Variants in RAB12 observed in about 807,000 individuals in gnomAD.
The protein encoded by RAB12 is ras-related protein Rab-12.
Under a neutral mutation model 28.4 loss-of-function variants are expected in RAB12, and 11 were observed. The observed-to-expected ratio is 0.39, with a 90% CI of 0.24 to 0.64. The LOEUF (loss-of-function observed/expected upper bound fraction) is 0.64. Ranked by LOEUF, RAB12 falls within the 30% of genes least tolerant of loss-of-function variation. RAB12 has a pLI of 0.50. For synonymous variants in RAB12, 138 were observed against 145.3 expected (o/e 0.95, Z 0.36); for missense variants, 276 against 351.1 (o/e 0.79, Z 1.71).
Position 8,609,892 on chromosome 18 carries a change from G to C in RAB12, c.453G>C (p.Lys151Asn). 6.2e-7 allele frequency: 1 copy of C among 1,608,104 alleles called. No individual in the cohort carries two copies. Among genetic ancestry groups the C allele is most frequent in the Non-Finnish European group, 8.5e-7 (1 of 1,177,880 alleles). ...TTATCGGCTCCCGCGGCGTGGGCAA[G>C]ACCAGCCTGATGGAGCGCTTCACCG... ...VIIIGSRGVG[K>N]TSLMERFTDD... Residue 151 changes from lysine (K) to asparagine (N), a missense_variant, in exon 1 of 6, where the codon AAG (lysine) becomes AAC (asparagine). Physicochemically the swap from Lys to Asn is moderately conservative, Grantham distance 94 (BLOSUM62 0). This residue lies in a region of RAB12 where 76 missense variants were observed against 117.9 expected (regional missense o/e 0.64). Coordinates refer to ENST00000649141, the MANE Select transcript of RAB12 (RefSeq NM_001025300.3).
intron 1 of RAB12, among the ~76,000 whole-genome samples, chr18:8,610,909 A>G (rs1255756615): frequency 2.6e-5 from 4 of 152,210 alleles, no homozygotes; most frequent in East Asian, 3.8e-4. Context: ...ATGTAATTCT[A>G]TTTATTAATA....
At chr18:8,624,014 A>AGG (rs2096011325) in intron 1 of RAB12, among the ~76,000 whole-genome samples, 1 of 152,260 alleles carries the variant, frequency 6.6e-6, no homozygotes, top group African/African-American at 2.4e-5. Context: ...AGTCAGGGGC[A>AGG]TGGCCAGGGC....
chr18:8,636,902 A>G (rs1323539525), intron 5 of RAB12, among the ~76,000 whole-genome samples: 1 of 152,214 alleles, frequency 6.6e-6, no homozygotes. Flanking sequence ...AATTGTTAAT[A>G]AGAACTGAAG....
intron 2 of RAB12, among the ~76,000 whole-genome samples, chr18:8,630,121 AG>A (rs2096015075): frequency 6.6e-6 from 1 of 152,238 alleles, no homozygotes; most frequent in Non-Finnish European, 1.5e-5. Flanking sequence ...TTATTTTGCC[AG>A]GGCTAAGGAC....
At chr18:8,617,746 A>T (rs1423029274) in intron 1 of RAB12, among the ~76,000 whole-genome samples, 1 of 152,152 alleles carries the variant, frequency 6.6e-6, no homozygotes, top group East Asian at 1.9e-4. Flanking sequence ...GTGCACAGGG[A>T]GGAGCACAGC....
At chr18:8,631,570 C>G (rs927891837) in intron 2 of RAB12, among the ~76,000 whole-genome samples, 3 of 152,276 alleles carry the variant, frequency 2.0e-5, no homozygotes, top group African/African-American at 7.2e-5. Context: ...TGGGAAAAAG[C>G]CCACTGCCCG....
Position 8,609,522 on chromosome 18 carries a change from G to C in RAB12, c.83G>C (p.Gly28Ala), listed in dbSNP as rs1473404421. Reference sequence around the variant, plus strand: ...GGCGGCAGCGGCGGAGGAGGAGGAGGAGGGGACCCGGGCGCAGAGAGCCGG... The same window carrying C: ...GGCGGCAGCGGCGGAGGAGGAGGAGCAGGGGACCCGGGCGCAGAGAGCCGG... ...GGGGSGGGGG[G>A]GDPGAESRPA... Residue 28 changes from glycine (G) to alanine (A), a missense_variant, in exon 1 of 6, where the codon GGA becomes GCA. Gly to Ala is a moderately conservative substitution (Grantham distance 60). Around this residue, in one of 4 missense-constraint regions of RAB12, gnomAD observed 72 missense variants for 55.5 expected, o/e 1.30. Transcript: ENST00000649141. 14 of 150,646 alleles carry C rather than the reference G, an allele frequency of 9.3e-5. 1 individual carries two copies. The South Asian group carries it at 2.1e-3, about 23-fold the overall frequency. 9.3% of individuals were successfully genotyped at this position (150,646 alleles called of 1,614,324 possible).
intron 1 of RAB12, among the ~76,000 whole-genome samples, chr18:8,623,392 A>G (rs910324441): frequency 6.6e-6 from 1 of 152,270 alleles, no homozygotes; most frequent in Non-Finnish European, 1.5e-5. Context: ...AATAGTAGTC[A>G]TCACAGATTA....
At position 8,638,469 on chromosome 18, in the gene RAB12, C is replaced by T; in HGVS notation, c.*207C>T. 1.9e-6 allele frequency: 1 copy of T among 534,610 alleles called. No homozygotes were observed. Among genetic ancestry groups the T allele is most frequent in the East Asian group, 3.3e-5 (1 of 30,152 alleles). 33.1% of individuals were successfully genotyped at this position (534,610 alleles called of 1,614,324 possible). A position where few individuals can be genotyped will look rare whatever the true frequency, so the allele number is the denominator to read the frequency against. On this transcript the variant is annotated 3_prime_UTR_variant, in exon 6 of 6. Coordinates refer to ENST00000649141, the MANE Select transcript of RAB12 (RefSeq NM_001025300.3). ...TCCCTCCAAATTATTATATTTCATT[C>T]ATTACCCCAGTGTCTAGTGTACATA...
intron 1 of RAB12, among the ~76,000 whole-genome samples, chr18:8,623,749 G>A (rs917189566): frequency 9.2e-5 from 14 of 152,234 alleles, no homozygotes; most frequent in African/African-American, 3.4e-4. Flanking sequence ...TATGTGTTAT[G>A]TGAGAGGTTA....
intron 4 of RAB12, 64 bp from the exon 5 acceptor site, chr18:8,636,189 C>G: frequency 1.9e-6 from 2 of 1,068,002 alleles, no homozygotes; most frequent in Admixed American, 1.7e-5. Context: ...GCCCAGAGAC[C>G]TCATGCTCGC....
At chr18:8,630,540 A>G (rs2096015354) in intron 2 of RAB12, among the ~76,000 whole-genome samples, 3 of 152,200 alleles carry the variant, frequency 2.0e-5, no homozygotes, top group Admixed American at 2.0e-4. Context: ...CCCACTGCTC[A>G]TCATGGCCAG....
chr18:8,625,695 G>A (rs1477997538), intron 2 of RAB12, among the ~76,000 whole-genome samples: 1 of 152,230 alleles, frequency 6.6e-6, no homozygotes, highest in African/African-American at 2.4e-5. Flanking sequence ...TGGTCTGGTG[G>A]TCTGGCGGTG....
chr18:8,637,163 C>G (rs1186026683), intron 5 of RAB12, among the ~76,000 whole-genome samples: 2 of 151,872 alleles, frequency 1.3e-5, no homozygotes, highest in African/African-American at 2.4e-5. Flanking sequence ...ATCCCAGCTA[C>G]CCAGGCTGAT....
In RAB12 at chr18:8,633,825, G is replaced by A. The variant is rs77410864; in HGVS notation, c.714+498G>A. 2.8e-3 allele frequency among the ~76,000 whole-genome samples: 426 copies of A among 152,248 alleles called. 1 individual carries two copies. Among genetic ancestry groups the A allele is most frequent in the African/African-American group, 9.1e-3 (379 of 41,544 alleles). On this transcript the variant is annotated intron_variant, in intron 3 of 5. Coordinates refer to ENST00000649141, the MANE Select transcript of RAB12 (RefSeq NM_001025300.3). ...AGGAGCTCGAGTTCTCCTTTGGCTC[G>A]TGATGGAATCATACAGATAGGCTGT...
At chr18:8,628,870 G>A (rs1194879594) in intron 2 of RAB12, among the ~76,000 whole-genome samples, 6 of 152,148 alleles carry the variant, frequency 3.9e-5, no homozygotes, top group Non-Finnish European at 1.5e-5. Context: ...CATTGAATGT[G>A]AATGGAAGTG....
In RAB12 at chr18:8,636,277, C is replaced by G; in HGVS notation, c.829C>G (p.Arg277Gly). 1.2e-6 allele frequency: 2 copies of G among 1,612,686 alleles called. No homozygotes were observed. The highest frequency in any genetic ancestry group is 1.7e-6 in the Non-Finnish European group (2 of 1,178,818). Residue 277 changes from arginine to glycine, a missense_variant, in exon 5 of 6, where the codon CGG (arginine) becomes GGG (glycine). Arg to Gly is a moderately radical substitution (Grantham distance 125). Coordinates refer to ENST00000649141, the MANE Select transcript of RAB12 (RefSeq NM_001025300.3). ...EKFAQQITGM[R>G]FCEASAKDNF... The stretch of plus-strand genomic sequence containing the variant: ...GTTTGCACAGCAGATCACTGGGATG[C>G]GGTTCTGTGAAGCAAGTGCCAAGGA...
chr18:8,624,813 A>G (rs2096011789), intron 1 of RAB12, 125 bp from the exon 2 acceptor site: 4 of 655,460 alleles, frequency 6.1e-6, no homozygotes, highest in Middle Eastern at 4.2e-4. Flanking sequence ...GAATTAAGTG[A>G]TGTCAGGTTT....
chr18:8,617,325 C>A (rs1332336635), intron 1 of RAB12, among the ~76,000 whole-genome samples: 2 of 152,110 alleles, frequency 1.3e-5, no homozygotes, highest in African/African-American at 4.8e-5. Flanking sequence ...AAAATGTAAT[C>A]ACATGTCCTG....
Sources: gnomAD v4.1 joint callset for allele counts (sites outside exome capture counted in the v4.1 genomes callset) on GRCh38, gnomAD v4.1.1 for gene constraint, gnomAD v4.1.1 regional missense constraint, MANE v1.5 for transcripts, NCBI Gene and HGNC (gene_info 2026-07-23, HGNC 2026-07-21) for gene names.